CLEC17A: variants seen among roughly 807,000 people sequenced by gnomAD.
CLEC17A encodes the protein C-type lectin domain family 17, member A.
Under a neutral mutation model 61.3 loss-of-function variants are expected in CLEC17A, and 37 were observed. That is an observed-to-expected ratio of 0.60 (90% CI 0.46 to 0.79). CLEC17A has a LOEUF of 0.79. Ranked by LOEUF, CLEC17A falls within the 30% of genes least tolerant of loss-of-function variation. The pLI, the probability that CLEC17A is intolerant of heterozygous loss-of-function variation, is 0.00. For synonymous variants in CLEC17A, 168 were observed against 164.9 expected (o/e 1.02, Z -0.14); for missense variants, 418 against 464.7 (o/e 0.90, Z 0.92).
At chr19:14,586,887 C>G (rs1190666248) in intron 2 of CLEC17A, among the ~76,000 whole-genome samples, 4 of 139,228 alleles carry the variant, frequency 2.9e-5, no homozygotes, top group Non-Finnish European at 4.5e-5. Flanking sequence ...TTCTTTCTTT[C>G]TTTCTTTTTT....
Position 14,607,550 on chromosome 19 carries a change from A to AT in CLEC17A, c.1004+450dup, listed in dbSNP as rs371571527. On this transcript the variant is annotated intron_variant, in intron 13 of 13. Coordinates refer to ENST00000417570, the MANE Select transcript of CLEC17A (RefSeq NM_001204118.2). The stretch of plus-strand genomic sequence containing the variant: ...AGCTCTACTTGTTTTATTTTATTTT[A>AT]TTATTTATTTATTTATTTATTTATT... Among the ~76,000 whole-genome samples the AT allele has an allele frequency of 4.2e-3, 593 of 141,482 alleles. 5 individuals are homozygous for AT. Among genetic ancestry groups the AT allele is most frequent in the African/African-American group, 0.015 (559 of 37,190 alleles). The allele number at this position is 141,482 out of a possible 152,430, so 92.8% of individuals were successfully genotyped here.
At chr19:14,602,316 G>A (rs1171392700) in intron 12 of CLEC17A, among the ~76,000 whole-genome samples, 1 of 152,004 alleles carries the variant, frequency 6.6e-6, no homozygotes, top group Non-Finnish European at 1.5e-5. Flanking sequence ...TGGAGACAGG[G>A]TCTCACTTTG....
At chr19:14,592,064 T>C (rs897470962) in intron 3 of CLEC17A, among the ~76,000 whole-genome samples, 2 of 152,192 alleles carry the variant, frequency 1.3e-5, no homozygotes, top group African/African-American at 2.4e-5. Flanking sequence ...ACTTGTCATG[T>C]TCCTGGTGTT....
chr19:14,600,888 CTTCTTTTTTTT>C, intron 12 of CLEC17A, among the ~76,000 whole-genome samples: 1 of 116,000 alleles, frequency 8.6e-6, no homozygotes. Flanking sequence ...CACGCTCGGC[CTTCTTTTTTTT>C]TTTTTTTTTT....
intron 12 of CLEC17A, among the ~76,000 whole-genome samples, chr19:14,604,888 A>G (rs2074816565): frequency 1.3e-5 from 2 of 152,246 alleles, no homozygotes; most frequent in South Asian, 4.1e-4. Flanking sequence ...AATAGATTAT[A>G]GTAAAAAATT....
chr19:14,595,264 TTTCTCCCAGCTGTGAATCTTGAGCC>T lies in CLEC17A; in HGVS notation c.404-3_425del. On this transcript the variant is annotated splice_acceptor_variant and splice_polypyrimidine_tract_variant and coding_sequence_variant and intron_variant, in exon 8 of 14. Coordinates refer to ENST00000417570, the MANE Select transcript of CLEC17A (RefSeq NM_001204118.2). LOFTEE classifies it high-confidence loss of function. ...TCTTCTGAATAAACCTCTCTCCCCC[TTTCTCCCAGCTGTGAATCTTGAGCC>T]TTCTCCATTGCAGCCATCCCTGGCC... 6.2e-7 allele frequency: 1 copy of T among 1,613,870 alleles called. No homozygotes were observed.
intron 7 of CLEC17A, 111 bp from the exon 8 acceptor site, chr19:14,595,163 C>A: frequency 7.9e-7 from 1 of 1,265,790 alleles, no homozygotes; most frequent in Non-Finnish European, 1.1e-6. Context: ...TGAGCCACTG[C>A]CCACAGCCAG....
chr19:14,604,634 G>A (rs568206418), intron 12 of CLEC17A, among the ~76,000 whole-genome samples: 84 of 150,938 alleles, frequency 5.6e-4, no homozygotes, highest in Admixed American at 1.7e-3. Context: ...ATGGTGGCGC[G>A]TGGCTGTAAT....
chr19:14,585,512 T>C (rs1432343695), intron 2 of CLEC17A, among the ~76,000 whole-genome samples: 1 of 152,040 alleles, frequency 6.6e-6, no homozygotes, highest in Non-Finnish European at 1.5e-5. Context: ...GTCCATGTGA[T>C]AAATAGAATA....
At chr19:14,600,821 C>T (rs954188507) in intron 12 of CLEC17A, among the ~76,000 whole-genome samples, 2 of 150,408 alleles carry the variant, frequency 1.3e-5, no homozygotes, top group East Asian at 2.0e-4. Flanking sequence ...GATCTCCTGA[C>T]CTCGTGATCT....
At chr19:14,582,977 G>GTGTT, upstream of CLEC17A, 1 of 612,826 alleles carries the variant, frequency 1.6e-6, no homozygotes, top group African/African-American at 1.8e-5. Context: ...GTGTGTGTGT[G>GTGTT]TGTGTGTGTG....
In CLEC17A at chr19:14,610,780, C is replaced by T. The variant is rs577867590; in HGVS notation, c.*584C>T. On this transcript the variant is annotated 3_prime_UTR_variant, in exon 14 of 14. Transcript: ENST00000417570. ...AATGGATCCTCCTACTTGGGCTTCC[C>T]AAATTGTGAGGATTACAGGTGTGAG... 44 of 152,620 alleles carry T rather than the reference C, an allele frequency of 2.9e-4. No individual in the cohort carries two copies. The South Asian group carries it at 8.2e-3, about 29-fold the overall frequency. 9.5% of individuals were successfully genotyped at this position (152,620 alleles called of 1,614,324 possible). A position where few individuals can be genotyped will look rare whatever the true frequency, so the allele number is the denominator to read the frequency against.
intron 3 of CLEC17A, 139 bp from the exon 4 acceptor site, chr19:14,592,142 A>C: frequency 7.8e-7 from 1 of 1,289,694 alleles, no homozygotes; most frequent in Non-Finnish European, 1.1e-6. Context: ...GGCCCTGGCC[A>C]GGCTGGGGCT....
chr19:14,607,011 C>A lies in CLEC17A; in HGVS notation c.913C>A (p.His305Asn). ...FAEHNFVAKA[H>N]GSPRVYWLGL... is the part of the protein sequence containing the mutation. ...TTTGCAGAATTTTGTGGCCAAGGCC[C>A]ATGGCTCTCCACGGGTGTACTGGCT... The change falls in exon 13 of 14, where the codon CAT becomes AAT. Residue 305 changes from histidine (H) to asparagine (N), a missense_variant. Coordinates refer to ENST00000417570, the MANE Select transcript of CLEC17A (RefSeq NM_001204118.2). 1 of 1,302,086 alleles carries A rather than the reference C, an allele frequency of 7.7e-7. No homozygotes were observed. Among genetic ancestry groups the A allele is most frequent in the South Asian group, 2.3e-5 (1 of 43,242 alleles). 80.7% of individuals were successfully genotyped at this position (1,302,086 alleles called of 1,614,324 possible).
chr19:14,590,993 C>T (rs1477594712), intron 3 of CLEC17A, among the ~76,000 whole-genome samples: 2 of 151,538 alleles, frequency 1.3e-5, no homozygotes, highest in Non-Finnish European at 2.9e-5. Flanking sequence ...CCACTGCGCC[C>T]AGCCTATTTC....
upstream of CLEC17A, among the ~76,000 whole-genome samples, chr19:14,581,251 A>G (rs1320597584): frequency 6.6e-6 from 1 of 152,198 alleles, no homozygotes; most frequent in Non-Finnish European, 1.5e-5. Context: ...TGGGGTACAT[A>G]TTAGTTTCCT....
chr19:14,607,454 T>C (rs190636219), intron 13 of CLEC17A, among the ~76,000 whole-genome samples: 4,276 of 151,866 alleles, frequency 0.028, 106 homozygotes, highest in African/African-American at 0.06. Context: ...CTGCCCGCCT[T>C]GGCCTCCCAA....
Position 14,607,834 on chromosome 19 carries a change from C to T in CLEC17A, c.1004+732C>T, listed in dbSNP as rs190996559. On this transcript the variant is annotated intron_variant, in intron 13 of 13. Transcript: ENST00000417570. ...CAGGTGATCTGCCCACCTTGGCCTC[C>T]CAAAGTGTTGGGATTACAGGGGTGA... Among the ~76,000 whole-genome samples, 10 of 151,800 alleles carry T rather than the reference C, an allele frequency of 6.6e-5. No homozygotes were observed. The East Asian group carries it at 1.9e-3, about 29-fold the overall frequency.
At chr19:14,599,925 C>A in intron 11 of CLEC17A, 106 bp from the exon 12 acceptor site, 1 of 1,514,650 alleles carries the variant, frequency 6.6e-7, no homozygotes, top group East Asian at 2.3e-5. Flanking sequence ...TGCCCCTCCC[C>A]CTCACCGGAG....
Sources: allele counts gnomAD v4.1 joint callset (sites outside exome capture counted in the v4.1 genomes callset), GRCh38; gene constraint gnomAD v4.1.1; transcripts MANE v1.5; gene names NCBI Gene and HGNC (gene_info 2026-07-23, HGNC 2026-07-21).